Variants in FAF1 observed in about 807,000 individuals in gnomAD.
FAF1 encodes FAS-associated factor 1.
Under a neutral mutation model 92.5 loss-of-function variants are expected in FAF1, and 25 were observed. That is an observed-to-expected ratio of 0.27 (90% CI 0.20 to 0.38). The LOEUF (loss-of-function observed/expected upper bound fraction) is 0.38, where lower values mean the gene tolerates loss of function less well. FAF1 is among the 10% of genes least tolerant of loss of function. The pLI is 1.00. For missense variants in FAF1, 636 were observed against 793.3 expected, an observed-to-expected ratio of 0.80 and a Z score of 2.38; for synonymous variants, 234 against 273.2, an observed-to-expected ratio of 0.86 and a Z score of 1.42.
chr1:50,711,908 A>G (rs1657950679), intron 6 of FAF1, among the ~76,000 whole-genome samples: 1 of 152,238 alleles, frequency 6.6e-6, no homozygotes, highest in South Asian at 2.1e-4. Context: ...GCCATTAATA[A>G]TAATGACTAA....
rs151014772 is a variant in FAF1 at position 50,506,552 on chromosome 1, A to T, written c.1495-14751T>A. Among the ~76,000 whole-genome samples the T allele has an allele frequency of 3.9e-5, 6 of 152,250 alleles. No individual in the cohort carries two copies. In the East Asian group the frequency reaches 9.7e-4, roughly 25 times the overall value. On this transcript the variant is annotated intron_variant, in intron 15 of 18. Transcript: ENST00000396153. ...CCCAAATCCTGGATTGAGTAGCTTC[A>T]CTTCTGTACTATATTCACACTGTAT...
chr1:50,700,495 G>A (rs1446360414), intron 7 of FAF1, among the ~76,000 whole-genome samples: 2 of 152,086 alleles, frequency 1.3e-5, no homozygotes, highest in Non-Finnish European at 2.9e-5. Context: ...TCTTCAATTA[G>A]CACTATTACA....
intron 18 of FAF1, among the ~76,000 whole-genome samples, chr1:50,474,436 G>A (rs950010215): frequency 4.0e-5 from 6 of 151,892 alleles, no homozygotes; most frequent in Admixed American, 1.3e-4. Context: ...TATTTCCATG[G>A]GTTTTTGGGG....
At chr1:50,729,058 A>ATTTTTTTT (rs1195852048) in intron 6 of FAF1, among the ~76,000 whole-genome samples, 7 of 70,120 alleles carry the variant, frequency 1.0e-4, no homozygotes, top group African/African-American at 1.8e-4. Flanking sequence ...ATATATATAT[A>ATTTTTTTT]TTTTTTTTTT....
chr1:50,808,322 G>C (rs1180163551), intron 2 of FAF1, among the ~76,000 whole-genome samples: 5 of 152,100 alleles, frequency 3.3e-5, no homozygotes, highest in Non-Finnish European at 7.4e-5. Context: ...TAAGTACATA[G>C]ATCACTGATA....
At chr1:50,846,448 G>A (rs890411597) in intron 2 of FAF1, 3 of 436,582 alleles carry the variant, frequency 6.9e-6, no homozygotes, top group Non-Finnish European at 1.3e-5. Context: ...CTTCCGAGCC[G>A]CACGCATCGA....
chr1:50,458,456 A>ATTGT (rs1646383501), intron 18 of FAF1, among the ~76,000 whole-genome samples: 1 of 152,216 alleles, frequency 6.6e-6, no homozygotes, highest in South Asian at 2.1e-4. Context: ...TACAATAGGC[A>ATTGT]CAAAAAGAAA....
At chr1:50,522,236 C>T (rs1171398738) in intron 15 of FAF1, among the ~76,000 whole-genome samples, 1 of 152,088 alleles carries the variant, frequency 6.6e-6, no homozygotes, top group Non-Finnish European at 1.5e-5. Context: ...CAGTTTATCC[C>T]ATAAATCTTT....
At chr1:50,885,670 A>G (rs866595221) in intron 1 of FAF1, among the ~76,000 whole-genome samples, 2 of 152,066 alleles carry the variant, frequency 1.3e-5, no homozygotes, top group East Asian at 3.8e-4. Context: ...AGTTTAGTCC[A>G]TTTATATTCA....
At chr1:50,542,593 T>C (rs1451872542) in intron 13 of FAF1, among the ~76,000 whole-genome samples, 1 of 152,216 alleles carries the variant, frequency 6.6e-6, no homozygotes, top group Non-Finnish European at 1.5e-5. Context: ...TCAACCCAAC[T>C]GCACATGGCA....
intron 2 of FAF1, among the ~76,000 whole-genome samples, chr1:50,819,840 T>C (rs1644027442): frequency 7.0e-6 from 1 of 143,310 alleles, no homozygotes; most frequent in Non-Finnish European, 1.5e-5. Context: ...CCAGCTATTG[T>C]ATATCAGCTT....
At chr1:50,716,820 A>T (rs1569825096) in intron 6 of FAF1, among the ~76,000 whole-genome samples, 1 of 152,180 alleles carries the variant, frequency 6.6e-6, no homozygotes, top group South Asian at 2.1e-4. Flanking sequence ...CAAATAAGGG[A>T]CTAAAAGCTG....
At chr1:50,738,494 G>T (rs1659231220) in intron 6 of FAF1, among the ~76,000 whole-genome samples, 1 of 150,394 alleles carries the variant, frequency 6.6e-6, no homozygotes. Context: ...GCTTTACTCT[G>T]CAGAGCTCAA....
chr1:50,959,916 C>T lies in FAF1; in HGVS notation c.-105G>A, dbSNP rs1645302315. The T allele has an allele frequency of 2.9e-6, 2 of 694,320 alleles. No homozygotes were observed. The highest frequency in any genetic ancestry group is 3.8e-6 in the Non-Finnish European group (2 of 526,876). 43.0% of individuals were successfully genotyped at this position (694,320 alleles called of 1,614,324 possible). Reference sequence around the variant, plus strand: ...CACCGCCGCCGCCGCCGCCGGGCGCCGAGGGGCTGGCGGGCGAGCCGGCGG... The same window carrying T: ...CACCGCCGCCGCCGCCGCCGGGCGCTGAGGGGCTGGCGGGCGAGCCGGCGG... On this transcript the variant is annotated 5_prime_UTR_variant, in exon 1 of 19. Transcript: ENST00000396153.
At chr1:50,659,263 G>A (rs979606174) in intron 7 of FAF1, among the ~76,000 whole-genome samples, 18 of 151,842 alleles carry the variant, frequency 1.2e-4, no homozygotes, top group African/African-American at 3.4e-4. Context: ...GAAGGGAAAG[G>A]GAGAAGAAGG....
In FAF1 at chr1:50,683,930, CAA is replaced by C. The variant is rs78987324; in HGVS notation, c.657+21854_657+21855del. ...CTGGGCGACAAGGGCAACACTCCAT[CAA>C]AAAAAAAAAAAAAAGTAATATTTTA... On this transcript the variant is annotated intron_variant, in intron 7 of 18. Coordinates refer to ENST00000396153, the MANE Select transcript of FAF1 (RefSeq NM_007051.3). Among the ~76,000 whole-genome samples, 746 of 115,834 alleles carry C rather than the reference CAA, an allele frequency of 6.4e-3. 7 individuals carry two copies. Among genetic ancestry groups the C allele is most frequent in the African/African-American group, 0.018 (563 of 32,164 alleles). The allele number at this position is 115,834 out of a possible 152,430, so 76.0% of individuals were successfully genotyped here.
intron 18 of FAF1, among the ~76,000 whole-genome samples, chr1:50,442,089 A>T (rs553590815): frequency 2.0e-5 from 3 of 152,004 alleles, no homozygotes; most frequent in East Asian, 1.9e-4. Context: ...TTTAAAAATT[A>T]AAAAAAATCA....
chr1:50,628,336 T>C (rs9803853), intron 8 of FAF1, among the ~76,000 whole-genome samples: 73,362 of 152,054 alleles, frequency 0.48, 19,570 homozygotes, highest in African/African-American at 0.7. Flanking sequence ...CCATATTCAT[T>C]GCTCTTTTTC....
chr1:50,452,977 A>T (rs1646311383), intron 18 of FAF1, among the ~76,000 whole-genome samples: 1 of 152,206 alleles, frequency 6.6e-6, no homozygotes, highest in African/African-American at 2.4e-5. Flanking sequence ...GTGAGAGTTG[A>T]ACAAAATGTC....
Sources: gnomAD v4.1 joint callset for allele counts (sites outside exome capture counted in the v4.1 genomes callset) on GRCh38, gnomAD v4.1.1 for gene constraint, MANE v1.5 for transcripts, NCBI Gene and HGNC (gene_info 2026-07-23, HGNC 2026-07-21) for gene names.